The following MXD4 variants were observed in gnomAD, a reference collection of about 807,000 sequenced individuals.
The protein encoded by MXD4 is MAX dimerization protein 4, also known as Mad4 homolog.
MXD4 carries 16 observed loss-of-function variants against 24.5 expected under a neutral mutation model. The observed-to-expected ratio is 0.65, with a 90% CI of 0.44 to 0.99. The LOEUF (loss-of-function observed/expected upper bound fraction) is 0.99. Ranked by LOEUF, MXD4 falls within the 50% of genes least tolerant of loss-of-function variation. MXD4 has a pLI of 0.00. For synonymous variants in MXD4, 164 were observed against 134.2 expected, an observed-to-expected ratio of 1.22 and a Z score of -1.54; for missense variants, 301 against 301.5, an observed-to-expected ratio of 1.00 and a Z score of 0.01.
In MXD4 at chr4:2,250,536, G is replaced by A. The variant is rs750264325; in HGVS notation, c.*8C>T. On this transcript the variant is annotated 3_prime_UTR_variant, in exon 6 of 6. Coordinates refer to ENST00000337190, the MANE Select transcript of MXD4 (RefSeq NM_006454.3). ...GGGCAGGCAGGCCAAGGAGCAGAGGGCACGGGCCTACGAGAGGGCGGGGCG... is the reference window on the plus strand; with the variant it reads ...GGGCAGGCAGGCCAAGGAGCAGAGGACACGGGCCTACGAGAGGGCGGGGCG... The A allele has an allele frequency of 2.4e-5, 37 of 1,567,816 alleles. No individual in the cohort carries two copies. The South Asian group carries it at 4.0e-4, about 17-fold the overall frequency.
chr4:2,253,209 G>A (rs1735358994), intron 3 of MXD4: 1 of 152,348 alleles, frequency 6.6e-6, no homozygotes, highest in Non-Finnish European at 1.5e-5. Context: ...GGGCACCTCA[G>A]GAGAGGGGCC....
chr4:2,258,998 T>G (rs1735486303), intron 2 of MXD4: 1 of 454,888 alleles, frequency 2.2e-6, no homozygotes, highest in African/African-American at 2.0e-5. Context: ...CCAGGCCACC[T>G]TCCGTGTCCA....
chr4:2,260,686 C>G (rs1560115722), intron 2 of MXD4: 4 of 423,700 alleles, frequency 9.4e-6, no homozygotes, highest in Non-Finnish European at 1.9e-5. Context: ...GAGACTCAAC[C>G]AATTCCTCGC....
At chr4:2,251,053 A>T in intron 5 of MXD4, 31 bp downstream of exon 5, 1 of 1,521,190 alleles carries the variant, frequency 6.6e-7, no homozygotes, top group Non-Finnish European at 8.9e-7. Flanking sequence ...CCGGAGGCCC[A>T]GGTGAGGCTG....
intron 2 of MXD4, among the ~76,000 whole-genome samples, 174 bp from the exon 3 acceptor site, chr4:2,258,185 G>C (rs994451560): frequency 3.3e-5 from 5 of 152,136 alleles, no homozygotes; most frequent in East Asian, 3.9e-4. Context: ...CACCCAGGGT[G>C]GGGGGAACCA....
intron 2 of MXD4, among the ~76,000 whole-genome samples, chr4:2,259,712 C>T (rs1245897965): frequency 2.0e-5 from 3 of 152,134 alleles, no homozygotes; most frequent in South Asian, 2.1e-4. Flanking sequence ...TGGGGTCCAT[C>T]GAGGGGGATG....
At position 2,250,594 on chromosome 4, in the gene MXD4, T is replaced by C. The variant is rs888165236; in HGVS notation, c.580A>G (p.Ser194Gly). Reference sequence around the variant, plus strand: ...CGCCGGCAGTGGGGCCCGAAGCCACTGTCGCCGCCGGTGCCACTCTGCAGG... The same window carrying C: ...CGCCGGCAGTGGGGCCCGAAGCCACCGTCGCCGCCGGTGCCACTCTGCAGG... Reference protein sequence around the residue: ...YSLQSGTGGDSGFGPHCRRLG... With the variant: ...YSLQSGTGGDGGFGPHCRRLG... The change falls in exon 6 of 6, where the codon AGT becomes GGT. Residue 194 changes from serine to glycine, a missense_variant. Coordinates refer to ENST00000337190, the MANE Select transcript of MXD4 (RefSeq NM_006454.3). 6.2e-7 allele frequency: 1 copy of C among 1,611,198 alleles called. No individual in the cohort carries two copies. The highest frequency in any genetic ancestry group is 8.5e-7 in the Non-Finnish European group (1 of 1,179,284).
At chr4:2,260,796 C>G (rs948746667) in intron 2 of MXD4, among the ~76,000 whole-genome samples, 1 of 152,242 alleles carries the variant, frequency 6.6e-6, no homozygotes, top group Admixed American at 6.5e-5. Flanking sequence ...GGCTCTGAAG[C>G]CCCCTACAAA....
chr4:2,260,489 C>G (rs1577824976), intron 2 of MXD4: 1 of 449,816 alleles, frequency 2.2e-6, no homozygotes, highest in Non-Finnish European at 4.5e-6. Flanking sequence ...GGAGCCCCAG[C>G]TCACGCCCCA....
At chr4:2,259,701 T>A (rs1302326637) in intron 2 of MXD4, among the ~76,000 whole-genome samples, 2 of 152,118 alleles carry the variant, frequency 1.3e-5, no homozygotes, top group Non-Finnish European at 2.9e-5. Context: ...CCAGAGACCC[T>A]TGGGGTCCAT....
At chr4:2,252,861 TGGGGTGAG>T (rs1553807488) in intron 3 of MXD4, 11 of 257,770 alleles carry the variant, frequency 4.3e-5, no homozygotes, top group Non-Finnish European at 3.7e-5. Flanking sequence ...CAGGGAGGGG[TGGGGTGAG>T]GCGAGGGTGC....
At chr4:2,260,630 G>A (rs1298695962) in intron 2 of MXD4, 3 of 453,900 alleles carry the variant, frequency 6.6e-6, no homozygotes, top group Non-Finnish European at 1.3e-5. Context: ...CCCCAGTAGG[G>A]GACCAGGGGC....
intron 2 of MXD4, among the ~76,000 whole-genome samples, chr4:2,261,181 G>A (rs1048474052): frequency 2.0e-5 from 3 of 152,204 alleles, no homozygotes; most frequent in Non-Finnish European, 4.4e-5. Context: ...CCTGGGAGGA[G>A]TGAGGGCCCA....
At chr4:2,261,573 G>C (rs1735546398) in intron 2 of MXD4, 152 bp downstream of exon 2, 1 of 190,306 alleles carries the variant, frequency 5.3e-6, no homozygotes, top group Admixed American at 6.7e-5. Flanking sequence ...CTGCGGCCGC[G>C]GCCTGCGCGC....
At chr4:2,257,930 A>G (rs971309090) in intron 3 of MXD4, 52 bp downstream of exon 3, 2 of 1,606,994 alleles carry the variant, frequency 1.2e-6, no homozygotes, top group African/African-American at 2.7e-5. Flanking sequence ...CACCCTCAGT[A>G]AAAGGGTGGG....
chr4:2,257,835 C>T (rs1448043143), intron 3 of MXD4, 147 bp downstream of exon 3: 15 of 1,063,006 alleles, frequency 1.4e-5, no homozygotes, highest in Non-Finnish European at 1.8e-5. Context: ...CCTTCTCCTC[C>T]AAGTCTGACC....
In MXD4 at chr4:2,250,500, G is replaced by C; in HGVS notation, c.*44C>G. 1 of 1,510,458 alleles carries C rather than the reference G, an allele frequency of 6.6e-7. No individual in the cohort carries two copies. The highest frequency in any genetic ancestry group is 8.9e-7 in the Non-Finnish European group (1 of 1,128,116). 93.6% of individuals were successfully genotyped at this position (1,510,458 alleles called of 1,614,324 possible). A position where few individuals can be genotyped will look rare whatever the true frequency, so the allele number is the denominator to read the frequency against. Reference sequence around the variant, plus strand: ...TGAAGGAGAACTGGAGGGCTGACACGCGTGGCTGGCGGGCAGGCAGGCCAA... The same window carrying C: ...TGAAGGAGAACTGGAGGGCTGACACCCGTGGCTGGCGGGCAGGCAGGCCAA... On this transcript the variant is annotated 3_prime_UTR_variant, in exon 6 of 6. Coordinates refer to ENST00000337190, the MANE Select transcript of MXD4 (RefSeq NM_006454.3).
chr4:2,257,595 A>G (rs567138922), intron 3 of MXD4, among the ~76,000 whole-genome samples: 13 of 152,218 alleles, frequency 8.5e-5, no homozygotes, highest in Non-Finnish European at 1.6e-4. Context: ...CCCCTCGGAC[A>G]AGACTCTAGC....
chr4:2,256,327 C>A (rs1000710254), intron 3 of MXD4, among the ~76,000 whole-genome samples: 17 of 152,200 alleles, frequency 1.1e-4, no homozygotes, highest in African/African-American at 3.6e-4. Flanking sequence ...CAGGGCTGGG[C>A]AGGCTTGGCT....
Sources: allele counts gnomAD v4.1 joint callset (sites outside exome capture counted in the v4.1 genomes callset), GRCh38; gene constraint gnomAD v4.1.1; transcripts MANE v1.5; gene names NCBI Gene and HGNC (gene_info 2026-07-23, HGNC 2026-07-21).